Variants in HTT observed in about 807,000 individuals in gnomAD.
The protein encoded by HTT is huntingtin.
Under a neutral mutation model 362.3 loss-of-function variants are expected in HTT, and 104 were observed. The observed-to-expected ratio is 0.29, with a 90% CI of 0.24 to 0.34. The LOEUF (loss-of-function observed/expected upper bound fraction) is 0.34, where lower values mean the gene tolerates loss of function less well. HTT is among the 10% of genes least tolerant of loss of function. The pLI, the probability that HTT is intolerant of heterozygous loss-of-function variation, is 1.00. For synonymous variants in HTT, 1,577 were observed against 1,548.7 expected (o/e 1.02, Z -0.43); for missense variants, 3,301 against 3,928.6 (o/e 0.84, Z 4.27).
intron 31 of HTT, among the ~76,000 whole-genome samples, chr4:3,173,726 TG>T: frequency 6.6e-6 from 1 of 151,742 alleles, no homozygotes; most frequent in Middle Eastern, 3.4e-3. Context: ...TGGAGTGCAG[TG>T]GTGCAATCTC....
chr4:3,209,683 C>A, intron 46 of HTT, 144 bp from the exon 47 acceptor site: 1 of 907,988 alleles, frequency 1.1e-6, no homozygotes. Flanking sequence ...TGTGGTGAGC[C>A]GTATAGCCAC....
intron 1 of HTT, among the ~76,000 whole-genome samples, chr4:3,080,942 G>C (rs1712864245): frequency 6.6e-6 from 1 of 152,164 alleles, no homozygotes; most frequent in African/African-American, 2.4e-5. Context: ...TCTACCTGTT[G>C]GTCTTTATGT....
intron 40 of HTT, among the ~76,000 whole-genome samples, chr4:3,196,632 G>A (rs1719268673): frequency 6.6e-6 from 1 of 151,880 alleles, no homozygotes; most frequent in Non-Finnish European, 1.5e-5. Context: ...CAGCTACTCA[G>A]GAACCTGAGA....
At chr4:3,210,885 AT>A (rs1230270061) in intron 47 of HTT, among the ~76,000 whole-genome samples, 5 of 142,600 alleles carry the variant, frequency 3.5e-5, no homozygotes, top group Non-Finnish European at 7.6e-5. Flanking sequence ...CCCAAAATCC[AT>A]TTACTAAAAT....
chr4:3,093,860 CTTTTTTT>C (rs1179450975), intron 2 of HTT, among the ~76,000 whole-genome samples: 57 of 73,360 alleles, frequency 7.8e-4, no homozygotes, highest in African/African-American at 2.3e-3. Context: ...CTGCCAATTC[CTTTTTTT>C]TTTTTTTTTT....
Position 3,187,704 on chromosome 4 carries a change from G to A in HTT, c.5043G>A (p.Arg1681=). ...TATCGGGAATTCTGGCCATTTTGAGGGTTCTGATTTCCCAGTCAACTGAAG... is the reference window on the plus strand; with the variant it reads ...TATCGGGAATTCTGGCCATTTTGAGAGTTCTGATTTCCCAGTCAACTGAAG... ...LWISGILAIL[R]VLISQSTEDI... Residue 1681 remains arginine (R), a synonymous_variant, in exon 39 of 67, where the codon AGG becomes AGA. Transcript: ENST00000355072. 1 of 1,614,088 alleles carries A rather than the reference G, an allele frequency of 6.2e-7. No individual in the cohort carries two copies. The highest frequency in any genetic ancestry group is 2.2e-5 in the East Asian group (1 of 44,880).
intron 31 of HTT, 71 bp from the exon 32 acceptor site, chr4:3,174,650 A>C (rs185772285): frequency 8.2e-7 from 1 of 1,221,494 alleles, no homozygotes; most frequent in Non-Finnish European, 1.2e-6. Flanking sequence ...GAGCAGGAGT[A>C]TATCTGAGTG....
At chr4:3,234,406 G>C (rs1721420655) in intron 61 of HTT, among the ~76,000 whole-genome samples, 1 of 152,260 alleles carries the variant, frequency 6.6e-6, no homozygotes. Context: ...TGCATCCCTG[G>C]AGCCTGGCAT....
At chr4:3,100,440 G>A (rs1288660127) in intron 3 of HTT, among the ~76,000 whole-genome samples, 3 of 152,142 alleles carry the variant, frequency 2.0e-5, no homozygotes, top group Non-Finnish European at 4.4e-5. Context: ...TTGTTGTTTG[G>A]CTAATCACGC....
At chr4:3,222,321 C>A in intron 53 of HTT, 66 bp from the exon 54 acceptor site, 1 of 1,379,044 alleles carries the variant, frequency 7.3e-7, no homozygotes. Context: ...GTCGGCGTAG[C>A]TGTCAGCTCT....
At chr4:3,202,083 T>C (rs954818532) in intron 41 of HTT, among the ~76,000 whole-genome samples, 1 of 152,206 alleles carries the variant, frequency 6.6e-6, no homozygotes, top group Admixed American at 6.5e-5. Flanking sequence ...ACTCTGTCAC[T>C]GTGGGTTTAT....
chr4:3,180,560 G>A lies in HTT; in HGVS notation c.4658G>A (p.Arg1553Lys). The A allele has an allele frequency of 1.9e-6, 3 of 1,613,310 alleles. No homozygotes were observed. The highest frequency in any genetic ancestry group is 2.5e-6 in the Non-Finnish European group (3 of 1,179,740). Residue 1553 changes from arginine to lysine, a missense_variant, in exon 36 of 67, where the codon AGA (arginine) becomes AAA (lysine). Coordinates refer to ENST00000355072, the MANE Select transcript of HTT (RefSeq NM_001388492.1). The stretch of plus-strand genomic sequence containing the variant: ...ATAGTCCACGACCTCTTTGTATTAA[G>A]AGGAACAAATAAAGCTGATGCAGGA... ...QPIVHDLFVLRGTNKADAGKE... is the reference protein window; with the variant it reads ...QPIVHDLFVLKGTNKADAGKE...
chr4:3,102,383 CA>C (rs1714202025), intron 3 of HTT, among the ~76,000 whole-genome samples: 1 of 152,178 alleles, frequency 6.6e-6, no homozygotes, highest in African/African-American at 2.4e-5. Flanking sequence ...TATTTGTTTA[CA>C]AAACATTTGT....
intron 29 of HTT, among the ~76,000 whole-genome samples, chr4:3,169,421 A>G (rs770666756): frequency 1.1e-4 from 16 of 152,206 alleles, no homozygotes; most frequent in East Asian, 5.8e-4. Flanking sequence ...GTGTTGTCCC[A>G]TAGCTTACTG....
In HTT at chr4:3,127,336, A is replaced by G. The variant is rs199954376; in HGVS notation, c.1475A>G (p.His492Arg). Residue 492 changes from histidine to arginine, a missense_variant, in exon 12 of 67, where the codon CAT (histidine) becomes CGT (arginine). His to Arg is a conservative substitution (Grantham distance 29). Transcript: ENST00000355072. ...GTTTCCACTCCAGGGTCAGCAGGTCATGACATCATCACAGAACAGCCACGG... is the reference window on the plus strand; with the variant it reads ...GTTTCCACTCCAGGGTCAGCAGGTCGTGACATCATCACAGAACAGCCACGG... ...SGVSTPGSAG[H>R]DIITEQPRSQ... 34 of 1,614,232 alleles carry G rather than the reference A, an allele frequency of 2.1e-5. No homozygotes were observed. The East Asian group carries it at 3.3e-4, about 16-fold the overall frequency.
At chr4:3,106,836 CTG>C (rs1386251568) in intron 5 of HTT, among the ~76,000 whole-genome samples, 3 of 152,216 alleles carry the variant, frequency 2.0e-5, no homozygotes, top group Admixed American at 1.3e-4. Context: ...CCCTGTCACT[CTG>C]TGTGTTGGGT....
At chr4:3,224,968 C>T (rs1276980409) in intron 56 of HTT, among the ~76,000 whole-genome samples, 2 of 152,176 alleles carry the variant, frequency 1.3e-5, no homozygotes, top group African/African-American at 4.8e-5. Flanking sequence ...GAGGCATACA[C>T]AGGCAGCTCC....
At chr4:3,105,122 T>A (rs1714361027) in intron 4 of HTT, among the ~76,000 whole-genome samples, 1 of 152,188 alleles carries the variant, frequency 6.6e-6, no homozygotes, top group South Asian at 2.1e-4. Flanking sequence ...GCTTTACTTT[T>A]CTTCAAAAGG....
At position 3,189,178 on chromosome 4, in the gene HTT, C is replaced by T. The variant is rs541388931; in HGVS notation, c.5368+85C>T. 5.9e-5 allele frequency: 80 copies of T among 1,358,216 alleles called. 1 individual carries two copies. Among genetic ancestry groups the T allele is most frequent in the South Asian group, 2.1e-4 (15 of 71,786 alleles). 84.1% of individuals were successfully genotyped at this position (1,358,216 alleles called of 1,614,324 possible). A position where few individuals can be genotyped will look rare whatever the true frequency, so the allele number is the denominator to read the frequency against. On this transcript the variant is annotated intron_variant, in intron 40 of 66. Coordinates refer to ENST00000355072, the MANE Select transcript of HTT (RefSeq NM_001388492.1). Reference sequence around the variant, plus strand: ...CTCAGAGTGTAGGAGCTGTGCTGCCCGGTAGAAACTCTGCCTTGCCCAGTG... The same window carrying T: ...CTCAGAGTGTAGGAGCTGTGCTGCCTGGTAGAAACTCTGCCTTGCCCAGTG...
Sources: gnomAD v4.1 joint callset for allele counts (sites outside exome capture counted in the v4.1 genomes callset) on GRCh38, gnomAD v4.1.1 for gene constraint, MANE v1.5 for transcripts, NCBI Gene and HGNC (gene_info 2026-07-23, HGNC 2026-07-21) for gene names.